Variants in FBXW7 observed in about 807,000 individuals in gnomAD.
The protein encoded by FBXW7 is F-box/WD repeat-containing protein 7.
Under a neutral mutation model 86.3 loss-of-function variants are expected in FBXW7, and 11 were observed. That is an observed-to-expected ratio of 0.13 (90% CI 0.08 to 0.21). FBXW7 has a LOEUF of 0.21. Ranked by LOEUF, FBXW7 falls within the 10% of genes least tolerant of loss-of-function variation. The probability of loss-of-function intolerance (pLI) is 1.00; values close to 1 mark genes in which losing one functional copy is unlikely to be tolerated. For missense variants in FBXW7, 488 were observed against 847.4 expected, an observed-to-expected ratio of 0.58 and a Z score of 5.27; for synonymous variants, 313 against 297.9, an observed-to-expected ratio of 1.05 and a Z score of -0.52.
At chr4:152,380,675 A>G (rs1161802224) in intron 4 of FBXW7, among the ~76,000 whole-genome samples, 1 of 151,978 alleles carries the variant, frequency 6.6e-6, no homozygotes, top group East Asian at 1.9e-4. Context: ...CCATGTTAGA[A>G]GACAAAGACA....
intron 4 of FBXW7, among the ~76,000 whole-genome samples, chr4:152,373,579 G>A: frequency 6.6e-6 from 1 of 151,866 alleles, no homozygotes. Flanking sequence ...CATAAGACAA[G>A]ACACGATCCC....
intron 2 of FBXW7, among the ~76,000 whole-genome samples, chr4:152,492,864 G>GT (rs900162674): frequency 6.6e-6 from 1 of 151,848 alleles, no homozygotes; most frequent in Non-Finnish European, 1.5e-5. Context: ...ATTTGAACTC[G>GT]TTTTTTTAAG....
intron 2 of FBXW7, among the ~76,000 whole-genome samples, chr4:152,477,982 A>G (rs1744568729): frequency 6.6e-6 from 1 of 152,126 alleles, no homozygotes; most frequent in Admixed American, 6.6e-5. Context: ...TCAAAGAGGC[A>G]GCAATGAAAC....
intron 2 of FBXW7, among the ~76,000 whole-genome samples, chr4:152,428,497 G>A (rs79962959): frequency 0.014 from 2,085 of 152,244 alleles, 26 homozygotes; most frequent in Middle Eastern, 0.037. Context: ...ACTGTCCTGG[G>A]ACTGGAATTC....
At chr4:152,434,633 A>T (rs1455584405) in intron 2 of FBXW7, among the ~76,000 whole-genome samples, 2 of 152,176 alleles carry the variant, frequency 1.3e-5, no homozygotes, top group East Asian at 3.8e-4. Context: ...TATGCCATTC[A>T]ATTTCCATAG....
chr4:152,471,300 C>T (rs1290818892), intron 2 of FBXW7, among the ~76,000 whole-genome samples: 1 of 150,006 alleles, frequency 6.7e-6, no homozygotes, highest in African/African-American at 2.5e-5. Context: ...ATTTAATACA[C>T]AGCACATAAA....
At chr4:152,486,938 G>A (rs1012665810) in intron 2 of FBXW7, among the ~76,000 whole-genome samples, 1 of 152,016 alleles carries the variant, frequency 6.6e-6, no homozygotes, top group Non-Finnish European at 1.5e-5. Flanking sequence ...CAGCTACAAC[G>A]TCACTATGCG....
chr4:152,443,535 G>A (rs1255346522), intron 2 of FBXW7, among the ~76,000 whole-genome samples: 2 of 152,160 alleles, frequency 1.3e-5, no homozygotes, highest in Non-Finnish European at 2.9e-5. Context: ...ACAGGGCTTT[G>A]TGCTTAACGT....
chr4:152,389,426 T>C (rs1026574647), intron 4 of FBXW7, among the ~76,000 whole-genome samples: 14 of 152,062 alleles, frequency 9.2e-5, no homozygotes, highest in Admixed American at 9.2e-4. Flanking sequence ...TGGAATACTA[T>C]TCAGCTATAA....
intron 2 of FBXW7, among the ~76,000 whole-genome samples, chr4:152,503,458 G>A (rs1031984152): frequency 5.9e-5 from 9 of 152,044 alleles, no homozygotes; most frequent in Non-Finnish European, 1.2e-4. Flanking sequence ...TTTTAGTAGA[G>A]ATGGGGTTTT....
At chr4:152,331,435 G>C (rs1215542268) in intron 8 of FBXW7, among the ~76,000 whole-genome samples, 2 of 152,084 alleles carry the variant, frequency 1.3e-5, no homozygotes, top group African/African-American at 4.8e-5. Context: ...GAACCTTGAA[G>C]ACATTATGCT....
intron 2 of FBXW7, among the ~76,000 whole-genome samples, chr4:152,460,930 C>A (rs943888937): frequency 3.9e-5 from 6 of 152,188 alleles, no homozygotes; most frequent in African/African-American, 1.4e-4. Flanking sequence ...CTTTCTCTTT[C>A]AAATAGATGA....
chr4:152,515,913 G>A (rs1439417605), intron 2 of FBXW7, among the ~76,000 whole-genome samples: 2 of 151,946 alleles, frequency 1.3e-5, no homozygotes, highest in Non-Finnish European at 2.9e-5. Context: ...TAATAACTTG[G>A]CCACATGGCA....
At chr4:152,471,690 G>A (rs911563807) in intron 2 of FBXW7, among the ~76,000 whole-genome samples, 7 of 151,936 alleles carry the variant, frequency 4.6e-5, no homozygotes, top group Non-Finnish European at 7.4e-5. Flanking sequence ...CTTGAGGCCA[G>A]GAGTCCGAGA....
rs1022251726 is a variant in FBXW7, at chr4:152,465,954, C to CT, written c.-119-53426dup. 1.7e-4 allele frequency among the ~76,000 whole-genome samples: 26 copies of CT among 152,124 alleles called. 2 individuals are homozygous for CT. The highest frequency in any genetic ancestry group is 1.5e-3 in the Admixed American group (23 of 15,278). ...TCAACTAACAAGAATATCAGTGATCCTAGCACTATAAAATCTCATCAAAAT... is the reference window on the plus strand; with the variant it reads ...TCAACTAACAAGAATATCAGTGATCCTTAGCACTATAAAATCTCATCAAAAT... On this transcript the variant is annotated intron_variant, in intron 2 of 13. Coordinates refer to ENST00000281708, the MANE Select transcript of FBXW7 (RefSeq NM_001349798.2).
chr4:152,418,127 CCACACACACACA>C (rs3047865), intron 2 of FBXW7, among the ~76,000 whole-genome samples: 9 of 143,932 alleles, frequency 6.3e-5, no homozygotes, highest in South Asian at 2.2e-4. Flanking sequence ...ACAGCTCTTA[CCACACACACACA>C]CACACACACA....
At chr4:152,330,615 T>C (rs1349960668) in intron 9 of FBXW7, 117 bp downstream of exon 9, 7 of 828,162 alleles carry the variant, frequency 8.5e-6, no homozygotes, top group African/African-American at 3.5e-5. Flanking sequence ...TTTTAAAATA[T>C]ACGGTTTTCT....
intron 4 of FBXW7, among the ~76,000 whole-genome samples, chr4:152,376,185 G>T (rs551031081): frequency 1.3e-5 from 2 of 152,072 alleles, no homozygotes; most frequent in African/African-American, 4.8e-5. Context: ...TTTATAAAGA[G>T]AAGTAAAAGA....
intron 6 of FBXW7, chr4:152,338,183 T>C (rs980471421): frequency 3.8e-5 from 11 of 292,506 alleles, no homozygotes; most frequent in Non-Finnish European, 5.7e-5. Flanking sequence ...ATTTTTTCAT[T>C]ACATTATTAT....
Sources: gnomAD v4.1 joint callset for allele counts (sites outside exome capture counted in the v4.1 genomes callset) on GRCh38, gnomAD v4.1.1 for gene constraint, MANE v1.5 for transcripts, NCBI Gene and HGNC (gene_info 2026-07-23, HGNC 2026-07-21) for gene names.